The following RAPGEFL1 variants were observed in gnomAD, a reference collection of about 807,000 sequenced individuals.
The protein encoded by RAPGEFL1 is Rap guanine nucleotide exchange factor like 1.
In RAPGEFL1, 31 loss-of-function variants were observed where a neutral mutation model predicts 64.4. The ratio of observed to expected loss-of-function variants is 0.48; its 90% CI spans 0.36 to 0.65. The LOEUF (loss-of-function observed/expected upper bound fraction) is 0.65, where lower values mean the gene tolerates loss of function less well. Ranked by LOEUF, RAPGEFL1 falls within the 30% of genes least tolerant of loss-of-function variation. The pLI, the probability that RAPGEFL1 is intolerant of heterozygous loss-of-function variation, is 0.00. For missense variants in RAPGEFL1, 682 were observed against 677.4 expected (o/e 1.01, Z -0.08); for synonymous variants, 331 against 274.1 (o/e 1.21, Z -2.05).
At chr17:40,186,175 G>A (rs1990064669) in intron 4 of RAPGEFL1, among the ~76,000 whole-genome samples, 1 of 151,618 alleles carries the variant, frequency 6.6e-6, no homozygotes, top group Admixed American at 6.6e-5. Flanking sequence ...TCAAGAGGCT[G>A]AGGCAGGAGA....
chr17:40,179,124 T>C (rs1450906791), intron 1 of RAPGEFL1, among the ~76,000 whole-genome samples: 1 of 151,638 alleles, frequency 6.6e-6, no homozygotes, highest in Non-Finnish European at 1.5e-5. Context: ...TGGAGTGCAG[T>C]GGCGCCATCT....
At chr17:40,186,755 G>T (rs1309644318) in intron 4 of RAPGEFL1, among the ~76,000 whole-genome samples, 1 of 151,130 alleles carries the variant, frequency 6.6e-6, no homozygotes, top group Non-Finnish European at 1.5e-5. Context: ...TTAGCCGGGC[G>T]TGGTGGTACA....
At chr17:40,192,101 T>A (rs55772196) in intron 10 of RAPGEFL1, 112 bp from the exon 11 acceptor site, 6 of 987,872 alleles carry the variant, frequency 6.1e-6, no homozygotes, top group East Asian at 2.4e-5. Context: ...CCCAGCCCCC[T>A]ACAAGCCATG....
intron 14 of RAPGEFL1, 83 bp downstream of exon 14, chr17:40,193,500 G>C: frequency 3.8e-6 from 6 of 1,582,094 alleles, no homozygotes; most frequent in Non-Finnish European, 5.2e-6. Context: ...CTGTCCAGAT[G>C]TGTATTTCCA....
intron 12 of RAPGEFL1, 107 bp downstream of exon 12, chr17:40,192,800 T>G: frequency 7.4e-7 from 1 of 1,356,334 alleles, no homozygotes; most frequent in Middle Eastern, 1.8e-4. Flanking sequence ...AGTACCCACC[T>G]GGAGAGGAGC....
chr17:40,192,674 C>G lies in RAPGEFL1; in HGVS notation c.1725C>G (p.Phe575Leu). The G allele has an allele frequency of 1.9e-6, 3 of 1,613,800 alleles. No homozygotes were observed. The highest frequency in any genetic ancestry group is 2.5e-6 in the Non-Finnish European group (3 of 1,179,788). ...ISKMKPPVIP[F>L]VPLILKDLTF... is the part of the protein sequence containing the mutation. ...AAATGAAGCCCCCTGTGATTCCCTTCGTGCCTCTGATCCTCAAAGGTGAGA... is the reference window on the plus strand; with the variant it reads ...AAATGAAGCCCCCTGTGATTCCCTTGGTGCCTCTGATCCTCAAAGGTGAGA... Residue 575 changes from phenylalanine (F) to leucine (L), a missense_variant, in exon 12 of 15, where the codon TTC becomes TTG. Physicochemically the swap from Phe to Leu is conservative, Grantham distance 22. Transcript: ENST00000620260.
chr17:40,179,735 C>T (rs542243117), intron 1 of RAPGEFL1, among the ~76,000 whole-genome samples: 13 of 152,252 alleles, frequency 8.5e-5, no homozygotes, highest in Non-Finnish European at 1.3e-4. Context: ...TTGGGAGCCC[C>T]GGCTGAGGCC....
chr17:40,185,477 C>T (rs918460292), intron 4 of RAPGEFL1, among the ~76,000 whole-genome samples: 1 of 126,254 alleles, frequency 7.9e-6, no homozygotes, highest in Non-Finnish European at 1.6e-5. Context: ...GTCAGGAGTT[C>T]AAGACCAGCC....
At chr17:40,188,756 CTGGTGCATCCTTG>C in intron 4 of RAPGEFL1, 97 bp from the exon 5 acceptor site, 1 of 802,370 alleles carries the variant, frequency 1.2e-6, no homozygotes, top group Non-Finnish European at 2.1e-6. Context: ...GAAATTGCTG[CTGGTGCATCCTTG>C]ACCCAATTCT....
In RAPGEFL1 at chr17:40,177,667, C is replaced by T; in HGVS notation, c.-195C>T. The T allele has an allele frequency of 2.4e-6, 1 of 412,246 alleles. No individual in the cohort carries two copies. The highest frequency in any genetic ancestry group is 1.1e-4 in the South Asian group (1 of 9,328). 25.5% of individuals were successfully genotyped at this position (412,246 alleles called of 1,614,324 possible). ...TGCTGAGAGCGAGCACTCCTTTCCT[C>T]TGGCACCTCCCCCGGCTACTGGCCA... is the stretch of plus-strand genomic sequence containing the variant. On this transcript the variant is annotated 5_prime_UTR_variant, in exon 1 of 15. Coordinates refer to ENST00000620260, the MANE Select transcript of RAPGEFL1 (RefSeq NM_016339.6).
At chr17:40,192,096 C>G in intron 10 of RAPGEFL1, 117 bp from the exon 11 acceptor site, 1 of 913,272 alleles carries the variant, frequency 1.1e-6, no homozygotes, top group Admixed American at 1.9e-5. Flanking sequence ...AGCTTCCCAG[C>G]CCCCTACAAG....
At position 40,178,266 on chromosome 17, in the gene RAPGEFL1, G is replaced by C. The variant is rs577388508; in HGVS notation, c.405G>C (p.Glu135Asp). The change falls in exon 1 of 15, where the codon GAG becomes GAC. Residue 135 changes from glutamate (E) to aspartate (D), a missense_variant. Physicochemically the swap from Glu to Asp is conservative, Grantham distance 45. Coordinates refer to ENST00000620260, the MANE Select transcript of RAPGEFL1 (RefSeq NM_016339.6). The part of the protein sequence containing the change: ...SYSSDELSPG[E>D]PLTSPPWAPL... Reference sequence around the variant, plus strand: ...CATCTGACGAGCTGTCCCCAGGCGAGCCCTTGACTTCGCCGCCCTGGGCCC... The same window carrying C: ...CATCTGACGAGCTGTCCCCAGGCGACCCCTTGACTTCGCCGCCCTGGGCCC... The C allele has an allele frequency of 8.1e-5, 53 of 650,430 alleles. No individual in the cohort carries two copies. The African/African-American group carries it at 9.7e-4, about 12-fold the overall frequency. 40.3% of individuals were successfully genotyped at this position (650,430 alleles called of 1,614,324 possible).
chr17:40,184,251 C>A lies in RAPGEFL1; in HGVS notation c.637C>A (p.Leu213Met), dbSNP rs1481423825. The part of the protein sequence containing the change: ...RAGGMEGPEG[L>M]GRKQACLAML... ...AGGAGGCATGGAGGGCCCTGAAGGGCTGGGCCGGAAGCAAGCCTGTCTAGC... is the reference window on the plus strand; with the variant it reads ...AGGAGGCATGGAGGGCCCTGAAGGGATGGGCCGGAAGCAAGCCTGTCTAGC... Residue 213 changes from leucine (L) to methionine (M), a missense_variant, in exon 3 of 15, where the codon CTG becomes ATG. Physicochemically the swap from Leu to Met is conservative, Grantham distance 15 (BLOSUM62 2). Around this residue, in one of 2 missense-constraint regions of RAPGEFL1, gnomAD observed 271 missense variants for 158.0 expected, o/e 1.72. Transcript: ENST00000620260. The A allele has an allele frequency of 3.7e-6, 6 of 1,613,506 alleles. No individual in the cohort carries two copies. Among genetic ancestry groups the A allele is most frequent in the Non-Finnish European group, 5.1e-6 (6 of 1,179,916 alleles).
rs986305468 is a variant in RAPGEFL1, at chr17:40,181,839, T to A, written c.599+145T>A. 11 of 585,082 alleles carry A rather than the reference T, an allele frequency of 1.9e-5. No individual in the cohort carries two copies. In the African/African-American group the frequency reaches 2.0e-4, roughly 11 times the overall value. The allele number at this position is 585,082 out of a possible 1,614,324, so 36.2% of individuals were successfully genotyped here. ...GCTCACACCTGTAATCCCAGCACTTTGGGAGGCTGAGGCAGGCGGATCACC... is the reference window on the plus strand; with the variant it reads ...GCTCACACCTGTAATCCCAGCACTTAGGGAGGCTGAGGCAGGCGGATCACC... On this transcript the variant is annotated intron_variant, in intron 2 of 14. Transcript: ENST00000620260.
Position 40,178,280 on chromosome 17 carries a change from C to T in RAPGEFL1, c.419C>T (p.Pro140Leu), listed in dbSNP as rs1989784437. Residue 140 changes from proline (P) to leucine (L), a missense_variant, in exon 1 of 15, where the codon CCG (proline) becomes CTG (leucine). This residue lies in a region of RAPGEFL1 where 271 missense variants were observed against 158.0 expected (regional missense o/e 1.72). Coordinates refer to ENST00000620260, the MANE Select transcript of RAPGEFL1 (RefSeq NM_016339.6). ...TCCCCAGGCGAGCCCTTGACTTCGC[C>T]GCCCTGGGCCCCTCTGGGCGCCCCC... ...ELSPGEPLTS[P>L]PWAPLGAPER... is the part of the protein sequence containing the mutation. 4.6e-6 allele frequency: 3 copies of T among 648,090 alleles called. No individual in the cohort carries two copies. The highest frequency in any genetic ancestry group is 8.4e-6 in the Non-Finnish European group (3 of 356,484). 40.1% of individuals were successfully genotyped at this position (648,090 alleles called of 1,614,324 possible).
Position 40,190,440 on chromosome 17 carries a change from T to G in RAPGEFL1, c.1121T>G (p.Val374Gly). 1 of 1,613,900 alleles carries G rather than the reference T, an allele frequency of 6.2e-7. No homozygotes were observed. Among genetic ancestry groups the G allele is most frequent in the Non-Finnish European group, 8.5e-7 (1 of 1,179,878 alleles). ...LVAVSSSGEK[V>G]LLQPTEDCVF... Reference sequence around the variant, plus strand: ...GCAGCTCTTTCTCCTGCAGAGAAGGTCCTTCTCCAGCCCACTGAGGACTGT... The same window carrying G: ...GCAGCTCTTTCTCCTGCAGAGAAGGGCCTTCTCCAGCCCACTGAGGACTGT... Residue 374 changes from valine to glycine, a missense_variant, in exon 7 of 15, where the codon GTC becomes GGC. Val to Gly is a moderately radical substitution (Grantham distance 109, BLOSUM62 -3). This residue lies in a region of RAPGEFL1 where 411 missense variants were observed against 519.4 expected (regional missense o/e 0.79). Transcript: ENST00000620260.
intron 1 of RAPGEFL1, among the ~76,000 whole-genome samples, chr17:40,179,223 C>T (rs1273559993): frequency 4.6e-5 from 7 of 152,162 alleles, no homozygotes; most frequent in South Asian, 2.1e-4. Context: ...TGTGGCACCA[C>T]GCCTGGCTAA....
rs1003981203 is a variant in RAPGEFL1 at position 40,178,188 on chromosome 17, G to C, written c.327G>C (p.Pro109=). 54 of 546,826 alleles carry C rather than the reference G, an allele frequency of 9.9e-5. No homozygotes were observed. The highest frequency in any genetic ancestry group is 1.4e-4 in the Non-Finnish European group (43 of 306,700). The allele number at this position is 546,826 out of a possible 1,614,324, so 33.9% of individuals were successfully genotyped here. The stretch of plus-strand genomic sequence containing the variant: ...GCTGGCTGCAGCTGGAGGAGGTGCC[G>C]GGGCCCGGGCCTCTCGGGGGAGGGG... ...GPCWLQLEEV[P]GPGPLGGGGP... Residue 109 remains proline (P), a synonymous_variant, in exon 1 of 15, where the codon CCG becomes CCC. Transcript: ENST00000620260.
chr17:40,193,611 A>T (rs767553102), intron 14 of RAPGEFL1, 53 bp from the exon 15 acceptor site: 134 of 1,613,200 alleles, frequency 8.3e-5, no homozygotes, highest in Non-Finnish European at 1.1e-4. Context: ...GTGTGTGTGT[A>T]GAGGAAGAAG....
Sources: allele counts gnomAD v4.1 joint callset (sites outside exome capture counted in the v4.1 genomes callset), GRCh38; gene constraint gnomAD v4.1.1; regional missense constraint gnomAD v4.1.1; transcripts MANE v1.5; gene names NCBI Gene and HGNC (gene_info 2026-07-23, HGNC 2026-07-21).